IMPG1: variants seen among roughly 807,000 people sequenced by gnomAD.
IMPG1 encodes the protein interphotoreceptor matrix proteoglycan of 150 kDa.
In IMPG1, 85 loss-of-function variants were observed where a neutral mutation model predicts 92.0. The observed-to-expected ratio is 0.92, with a 90% confidence interval of 0.78 to 1.11. The LOEUF is 1.11. Among genes scored for constraint, IMPG1 ranks in the 50% least tolerant of loss-of-function variants. IMPG1 has a pLI of 0.00. For synonymous variants in IMPG1, 367 were observed against 334.1 expected (o/e 1.10, Z -1.08); for missense variants, 1,022 against 956.0 (o/e 1.07, Z -0.91).
intron 1 of IMPG1, among the ~76,000 whole-genome samples, chr6:76,048,631 T>C (rs1783985576): frequency 6.6e-6 from 1 of 152,218 alleles, no homozygotes; most frequent in Non-Finnish European, 1.5e-5. Context: ...TCCCTTTTGC[T>C]ATTGGATTAT....
At chr6:75,964,852 T>C (rs1226816417) in intron 12 of IMPG1, among the ~76,000 whole-genome samples, 1 of 152,152 alleles carries the variant, frequency 6.6e-6, no homozygotes, top group Non-Finnish European at 1.5e-5. Context: ...GTTGCCCTTT[T>C]ACAGTCACCT....
At chr6:75,974,375 C>CTTTCTTTCTT (rs1199147093) in intron 12 of IMPG1, among the ~76,000 whole-genome samples, 1 of 83,416 alleles carries the variant, frequency 1.2e-5, no homozygotes, top group African/African-American at 4.9e-5. Flanking sequence ...TTCTTTCTTT[C>CTTTCTTTCTT]TTTCTTTCTT....
At chr6:76,012,698 T>G (rs1783207606) in intron 7 of IMPG1, among the ~76,000 whole-genome samples, 1 of 152,158 alleles carries the variant, frequency 6.6e-6, no homozygotes, top group African/African-American at 2.4e-5. Context: ...CTGTCCCCTC[T>G]CTCCTATCCT....
intron 2 of IMPG1, among the ~76,000 whole-genome samples, chr6:76,041,095 T>C (rs775521934): frequency 2.0e-5 from 3 of 152,360 alleles, no homozygotes; most frequent in East Asian, 1.9e-4. Context: ...TTTTGCATTA[T>C]TTGGAGCCAC....
chr6:75,952,975 T>C (rs769572135), intron 12 of IMPG1, among the ~76,000 whole-genome samples: 6 of 152,214 alleles, frequency 3.9e-5, no homozygotes, highest in Non-Finnish European at 5.9e-5. Flanking sequence ...GAAGTCTGAG[T>C]TGACTAAAAT....
chr6:75,947,622 G>T, intron 13 of IMPG1, 89 bp from the exon 14 acceptor site: 5 of 887,368 alleles, frequency 5.6e-6, no homozygotes, highest in Non-Finnish European at 8.6e-6. Flanking sequence ...CATTAACCGA[G>T]ACATATATTT....
At chr6:75,933,409 A>G (rs1781694052) in intron 14 of IMPG1, among the ~76,000 whole-genome samples, 1 of 152,216 alleles carries the variant, frequency 6.6e-6, no homozygotes, top group African/African-American at 2.4e-5. Flanking sequence ...ACCACATTTA[A>G]TAAATACATA....
At chr6:76,049,449 C>A (rs762233005) in intron 1 of IMPG1, among the ~76,000 whole-genome samples, 1 of 152,148 alleles carries the variant, frequency 6.6e-6, no homozygotes, top group Non-Finnish European at 1.5e-5. Context: ...CCAATACCTG[C>A]CCCCTACCTT....
At chr6:75,945,900 T>C (rs1337018833) in intron 14 of IMPG1, among the ~76,000 whole-genome samples, 3 of 152,200 alleles carry the variant, frequency 2.0e-5, no homozygotes, top group Non-Finnish European at 4.4e-5. Context: ...TTGCCTCAAC[T>C]TGGCTCCTCA....
chr6:75,981,216 C>A (rs1782622149), intron 12 of IMPG1, among the ~76,000 whole-genome samples: 1 of 152,178 alleles, frequency 6.6e-6, no homozygotes, highest in Non-Finnish European at 1.5e-5. Flanking sequence ...AGAAGAACCA[C>A]ACAAACATTC....
intron 1 of IMPG1, among the ~76,000 whole-genome samples, chr6:76,051,224 C>T (rs1784038027): frequency 2.0e-5 from 3 of 152,128 alleles, no homozygotes; most frequent in Admixed American, 2.0e-4. Flanking sequence ...ATGCCCTGGT[C>T]CTCCCACTAC....
chr6:76,039,344 A>G (rs1562379992), intron 2 of IMPG1, among the ~76,000 whole-genome samples: 1 of 149,016 alleles, frequency 6.7e-6, no homozygotes. Context: ...AATGTGAAAG[A>G]AAGATCTAGC....
intron 1 of IMPG1, among the ~76,000 whole-genome samples, chr6:76,060,265 A>G (rs1784182936): frequency 1.3e-5 from 2 of 152,318 alleles, no homozygotes; most frequent in South Asian, 4.1e-4. Context: ...TATTGACTGA[A>G]TACAACCATA....
At chr6:76,013,768 T>G (rs1783232832) in intron 7 of IMPG1, among the ~76,000 whole-genome samples, 1 of 152,232 alleles carries the variant, frequency 6.6e-6, no homozygotes, top group African/African-American at 2.4e-5. Context: ...TCACTACCAT[T>G]CCACTGTGTT....
intron 1 of IMPG1, among the ~76,000 whole-genome samples, chr6:76,063,384 A>C (rs1474031956): frequency 6.6e-6 from 1 of 152,178 alleles, no homozygotes; most frequent in Non-Finnish European, 1.5e-5. Flanking sequence ...GAAGGAAGCA[A>C]GAGGTTGTCA....
chr6:76,031,103 CT>C (rs1456091542), intron 4 of IMPG1, among the ~76,000 whole-genome samples: 6 of 152,154 alleles, frequency 3.9e-5, no homozygotes, highest in African/African-American at 1.2e-4. Context: ...ATTTTCATGG[CT>C]GTGGGACGGA....
At chr6:75,975,123 G>A (rs1399824114) in intron 12 of IMPG1, among the ~76,000 whole-genome samples, 1 of 152,194 alleles carries the variant, frequency 6.6e-6, no homozygotes, top group African/African-American at 2.4e-5. Context: ...CTACATCTTG[G>A]TAGCCCCTTA....
At chr6:76,050,686 T>C (rs1784025393) in intron 1 of IMPG1, among the ~76,000 whole-genome samples, 1 of 152,206 alleles carries the variant, frequency 6.6e-6, no homozygotes, top group Non-Finnish European at 1.5e-5. Context: ...AAGTTTCTAT[T>C]TCAGGCTCAG....
chr6:75,994,437 T>C (rs1200242161), intron 12 of IMPG1, among the ~76,000 whole-genome samples: 1 of 152,198 alleles, frequency 6.6e-6, no homozygotes, highest in African/African-American at 2.4e-5. Context: ...AAAGTACTGC[T>C]CATAATGGAT....
Sources: gnomAD v4.1 joint callset for allele counts (sites outside exome capture counted in the v4.1 genomes callset) on GRCh38, gnomAD v4.1.1 for gene constraint, MANE v1.5 for transcripts, NCBI Gene and HGNC (gene_info 2026-07-23, HGNC 2026-07-21) for gene names.